Variants in SGMS1 observed in about 807,000 individuals in gnomAD.
The protein encoded by SGMS1 is phosphatidylcholine:ceramide cholinephosphotransferase 1.
A neutral mutation model predicts 46.2 loss-of-function variants in SGMS1; 13 were observed. That is an observed-to-expected ratio of 0.28 (90% CI 0.18 to 0.45). The LOEUF (loss-of-function observed/expected upper bound fraction) is 0.45, where lower values mean the gene tolerates loss of function less well. SGMS1 is among the 20% of genes least tolerant of loss of function. SGMS1 has a pLI of 1.00. For synonymous variants in SGMS1, 203 were observed against 187.8 expected, an observed-to-expected ratio of 1.08 and a Z score of -0.66; for missense variants, 324 against 519.9, an observed-to-expected ratio of 0.62 and a Z score of 3.66.
chr10:50,567,895 C>T lies in SGMS1; in HGVS notation c.-589+22258G>A, dbSNP rs373537137. On this transcript the variant is annotated intron_variant, in intron 2 of 10. Coordinates refer to ENST00000361781, the MANE Select transcript of SGMS1 (RefSeq NM_147156.4). The stretch of plus-strand genomic sequence containing the variant: ...TTTCCAGAAATATTAAATTTCTAAA[C>T]CACTGTATTTCTTATTTCATCACTG... 2.0e-5 allele frequency among the ~76,000 whole-genome samples: 3 copies of T among 152,154 alleles called. No homozygotes were observed. In the East Asian group the frequency reaches 5.8e-4, roughly 29 times the overall value.
rs191187333 is a variant in SGMS1 at position 50,389,881 on chromosome 10, C to T, written c.-232+43595G>A. 5.3e-5 allele frequency among the ~76,000 whole-genome samples: 8 copies of T among 152,298 alleles called. No individual in the cohort carries two copies. In the East Asian group the frequency reaches 9.6e-4, roughly 18 times the overall value. ...TCATTTTGCCTGTATTATTTATAAA[C>T]GTTTAGTGTACTAATTGAAGATTTG... is the stretch of plus-strand genomic sequence containing the variant. On this transcript the variant is annotated intron_variant, in intron 6 of 10. Coordinates refer to ENST00000361781, the MANE Select transcript of SGMS1 (RefSeq NM_147156.4).
At chr10:50,352,178 G>C (rs1848029958) in intron 6 of SGMS1, among the ~76,000 whole-genome samples, 1 of 152,192 alleles carries the variant, frequency 6.6e-6, no homozygotes, top group Admixed American at 6.5e-5. Flanking sequence ...CTATGGAAGT[G>C]AACTGTTGGA....
At chr10:50,343,383 A>G in intron 7 of SGMS1, 109 bp downstream of exon 7, 1 of 1,239,272 alleles carries the variant, frequency 8.1e-7, no homozygotes, top group Non-Finnish European at 1.1e-6. Flanking sequence ...AAAAAAAAAT[A>G]GTATGTTTTG....
At chr10:50,312,751 T>C (rs943354616) in intron 8 of SGMS1, among the ~76,000 whole-genome samples, 2 of 152,206 alleles carry the variant, frequency 1.3e-5, no homozygotes, top group Admixed American at 1.3e-4. Context: ...TTATATACTC[T>C]TTTCCAGGAA....
chr10:50,541,214 T>G (rs1198595518), intron 2 of SGMS1, among the ~76,000 whole-genome samples: 5 of 152,168 alleles, frequency 3.3e-5, no homozygotes, highest in Non-Finnish European at 7.4e-5. Flanking sequence ...CTAGTTAAGT[T>G]TTATAATACT....
intron 8 of SGMS1, among the ~76,000 whole-genome samples, chr10:50,315,704 T>G (rs1847328039): frequency 6.6e-6 from 1 of 152,178 alleles, no homozygotes. Context: ...AGCTTTTGAA[T>G]GTCTATTTTT....
At chr10:50,529,710 T>C (rs1837935673) in intron 2 of SGMS1, among the ~76,000 whole-genome samples, 1 of 152,132 alleles carries the variant, frequency 6.6e-6, no homozygotes, top group South Asian at 2.1e-4. Context: ...GAAATATGAA[T>C]CATATATGCA....
intron 3 of SGMS1, among the ~76,000 whole-genome samples, chr10:50,467,328 T>C (rs1334296626): frequency 6.6e-6 from 1 of 152,128 alleles, no homozygotes; most frequent in African/African-American, 2.4e-5. Context: ...ATTACCACCC[T>C]GGGATAAATT....
chr10:50,589,630 C>A (rs538713356), intron 2 of SGMS1, among the ~76,000 whole-genome samples: 12 of 151,758 alleles, frequency 7.9e-5, no homozygotes, highest in Non-Finnish European at 1.5e-4. Context: ...CCACCACACC[C>A]AGCTAATTTT....
At chr10:50,544,700 T>C (rs899016414) in intron 2 of SGMS1, among the ~76,000 whole-genome samples, 1 of 152,058 alleles carries the variant, frequency 6.6e-6, no homozygotes, top group African/African-American at 2.4e-5. Flanking sequence ...TTTGAAGATA[T>C]GAGATAAACA....
intron 6 of SGMS1, among the ~76,000 whole-genome samples, chr10:50,384,924 C>A (rs1848661339): frequency 6.6e-6 from 1 of 152,152 alleles, no homozygotes; most frequent in South Asian, 2.1e-4. Flanking sequence ...GACATATCTT[C>A]TTTTTAATTT....
At chr10:50,368,770 A>C (rs892801289) in intron 6 of SGMS1, among the ~76,000 whole-genome samples, 1 of 152,262 alleles carries the variant, frequency 6.6e-6, no homozygotes, top group Non-Finnish European at 1.5e-5. Context: ...AATTATATAA[A>C]TTATGTAAGT....
intron 6 of SGMS1, among the ~76,000 whole-genome samples, chr10:50,404,004 G>A (rs1427614793): frequency 1.3e-5 from 2 of 151,742 alleles, no homozygotes; most frequent in Non-Finnish European, 2.9e-5. Context: ...TAACATGGGG[G>A]AAACAGGTAT....
chr10:50,433,356 TA>T (rs1344827247), intron 6 of SGMS1, 119 bp downstream of exon 6: 1 of 152,290 alleles, frequency 6.6e-6, no homozygotes, highest in African/African-American at 2.4e-5. Context: ...ATTTACTTTA[TA>T]AAATAGTTTC....
chr10:50,492,319 G>A (rs567327948), intron 3 of SGMS1, among the ~76,000 whole-genome samples: 1 of 152,174 alleles, frequency 6.6e-6, no homozygotes, highest in Non-Finnish European at 1.5e-5. Context: ...TCTGGCCATG[G>A]CAATCAGGCA....
chr10:50,528,972 G>A (rs953898546), intron 2 of SGMS1, among the ~76,000 whole-genome samples: 3 of 152,104 alleles, frequency 2.0e-5, no homozygotes, highest in African/African-American at 7.2e-5. Flanking sequence ...TGTCAGAGAT[G>A]GGCAATTTAC....
intron 2 of SGMS1, among the ~76,000 whole-genome samples, chr10:50,544,653 C>G (rs1838084539): frequency 6.6e-6 from 1 of 152,140 alleles, no homozygotes; most frequent in African/African-American, 2.4e-5. Flanking sequence ...GTACAATAAA[C>G]TAAAATGCAA....
intron 6 of SGMS1, among the ~76,000 whole-genome samples, chr10:50,413,188 T>C (rs1849124923): frequency 1.3e-5 from 2 of 152,308 alleles, no homozygotes; most frequent in African/African-American, 4.8e-5. Flanking sequence ...CTAAGCCCTA[T>C]GAAATAGAGA....
chr10:50,382,288 T>G (rs902950643), intron 6 of SGMS1, among the ~76,000 whole-genome samples: 4 of 152,118 alleles, frequency 2.6e-5, no homozygotes. Context: ...TCCCATACAA[T>G]TGTAAAGTAT....
Sources: gnomAD v4.1 joint callset for allele counts (sites outside exome capture counted in the v4.1 genomes callset) on GRCh38, gnomAD v4.1.1 for gene constraint, MANE v1.5 for transcripts, NCBI Gene and HGNC (gene_info 2026-07-23, HGNC 2026-07-21) for gene names.